PHKA1: variants seen among roughly 807,000 people sequenced by gnomAD.
PHKA1 encodes phosphorylase kinase regulatory subunit alpha 1, also known as phosphorylase b kinase regulatory subunit alpha, skeletal muscle isoform.
Under a neutral mutation model 110.2 loss-of-function variants are expected in PHKA1, and 60 were observed. The observed-to-expected ratio is 0.54, with a 90% CI of 0.44 to 0.68. The LOEUF is 0.68. PHKA1 is among the 30% of genes least tolerant of loss of function. PHKA1 has a pLI of 0.00. For missense variants in PHKA1, 801 were observed against 942.5 expected (o/e 0.85, Z 1.97); for synonymous variants, 316 against 333.6 (o/e 0.95, Z 0.58).
At chrX:72,665,372 A>G (rs1294759418) in intron 8 of PHKA1, among the ~76,000 whole-genome samples, 2 of 111,505 alleles carry the variant, frequency 1.8e-5, no homozygotes, top group Non-Finnish European at 3.8e-5. Context: ...AAGACAAATA[A>G]CGAGTAATGG....
Position 72,637,701 on chromosome X carries a change from C to A in PHKA1, c.1460-1315G>T, listed in dbSNP as rs2053245607. Among the ~76,000 whole-genome samples, 4 of 112,018 alleles carry A rather than the reference C, an allele frequency of 3.6e-5. No individual in the cohort carries two copies. The South Asian group carries it at 1.5e-3, about 42-fold the overall frequency. ...ACAAGAGTTTTCATGTCTCCACATC[C>A]TCATGTTGGCTATTCAGGGTCCCTT... is the stretch of plus-strand genomic sequence containing the variant. On this transcript the variant is annotated intron_variant, in intron 14 of 31. Coordinates refer to ENST00000373542, the MANE Select transcript of PHKA1 (RefSeq NM_002637.4).
intron 6 of PHKA1, 123 bp from the exon 7 acceptor site, chrX:72,667,596 A>G: frequency 5.6e-6 from 3 of 531,030 alleles, no homozygotes; most frequent in Non-Finnish European, 9.7e-6. Flanking sequence ...GACAGAATAT[A>G]TAATACAAAA....
intron 6 of PHKA1, among the ~76,000 whole-genome samples, chrX:72,670,862 AG>A: frequency 8.9e-6 from 1 of 112,107 alleles, no homozygotes; most frequent in Middle Eastern, 4.6e-3. Context: ...AGATGCAGAA[AG>A]GGCCTTTGAC....
At chrX:72,597,624 TG>T (rs781791409) in intron 28 of PHKA1, among the ~76,000 whole-genome samples, 1 of 112,244 alleles carries the variant, frequency 8.9e-6, no homozygotes, top group Admixed American at 9.4e-5. Context: ...TCAGGGTAAA[TG>T]GGGTATCCAT....
At chrX:72,659,211 A>G (rs1556303003) in intron 8 of PHKA1, among the ~76,000 whole-genome samples, 1 of 111,003 alleles carries the variant, frequency 9.0e-6, no homozygotes, top group Non-Finnish European at 1.9e-5. Context: ...TAGTTATTTT[A>G]TTGTTCAAAT....
intron 4 of PHKA1, among the ~76,000 whole-genome samples, chrX:72,692,049 G>A (rs2147820072): frequency 8.9e-6 from 1 of 111,765 alleles, no homozygotes; most frequent in South Asian, 3.7e-4. Flanking sequence ...TCCTTATTTG[G>A]TAAGTATTTA....
intron 11 of PHKA1, among the ~76,000 whole-genome samples, chrX:72,652,919 G>A (rs2053447500): frequency 9.0e-6 from 1 of 111,291 alleles, no homozygotes; most frequent in Admixed American, 9.5e-5. Flanking sequence ...CTCTCAGGTG[G>A]TGCTGCTGAT....
intron 2 of PHKA1, among the ~76,000 whole-genome samples, chrX:72,710,838 TTATTTTTTTTTTTA>T (rs2054364019): frequency 9.8e-6 from 1 of 102,503 alleles, no homozygotes; most frequent in Admixed American, 1.0e-4. Context: ...TTTTATTTTT[TTATTTTTTTTTTTA>T]TTTTTATTTT....
rs181480052 is a variant in PHKA1 at position 72,623,987 on chromosome X, A to T, written c.1794-712T>A. ...AATTTCAACCAATAAATGTACACAG[A>T]ATGATAGAAACACCATTTAATAACT... On this transcript the variant is annotated intron_variant, in intron 17 of 31. Transcript: ENST00000373542. Among the ~76,000 whole-genome samples, 362 of 112,072 alleles carry T rather than the reference A, an allele frequency of 3.2e-3. 1 individual carries two copies. Among genetic ancestry groups the T allele is most frequent in the African/African-American group, 0.011 (355 of 30,905 alleles).
intron 1 of PHKA1, among the ~76,000 whole-genome samples, chrX:72,713,271 C>T (rs1284770110): frequency 9.0e-6 from 1 of 110,814 alleles, no homozygotes; most frequent in Non-Finnish European, 1.9e-5. Flanking sequence ...GGTGAGAATA[C>T]TTAAGATCTA....
chrX:72,657,672 T>A (rs1330292951), intron 8 of PHKA1, 31 bp from the exon 9 acceptor site: 1 of 1,127,856 alleles, frequency 8.9e-7, no homozygotes, highest in Non-Finnish European at 1.2e-6. Context: ...GGTCAGCAGC[T>A]TGTACACTGG....
intron 29 of PHKA1, 87 bp downstream of exon 29, chrX:72,593,017 G>C (rs1229363081): frequency 1.0e-5 from 6 of 601,042 alleles, no homozygotes; most frequent in Admixed American, 2.2e-5. Context: ...TAATTGCAGT[G>C]ATTATATTAG....
At chrX:72,669,347 C>CTT (rs201527791) in intron 6 of PHKA1, among the ~76,000 whole-genome samples, 3 of 109,548 alleles carry the variant, frequency 2.7e-5, no homozygotes, top group Non-Finnish European at 5.7e-5. Context: ...AGCTGTTTTT[C>CTT]TTTTTTTTTG....
intron 10 of PHKA1, 43 bp from the exon 11 acceptor site, chrX:72,653,573 T>A (rs1556300000): frequency 3.3e-6 from 3 of 902,352 alleles, no homozygotes; most frequent in Non-Finnish European, 4.8e-6. Context: ...TTACAGAGAG[T>A]CCCTTTGGGG....
chrX:72,672,094 C>T (rs1556309464), intron 6 of PHKA1, among the ~76,000 whole-genome samples: 1 of 111,999 alleles, frequency 8.9e-6, no homozygotes, highest in African/African-American at 3.3e-5. Flanking sequence ...TGTGGGCCTG[C>T]AGAATTAACA....
chrX:72,709,545 A>C (rs2054335979), intron 2 of PHKA1: 1 of 110,051 alleles, frequency 9.1e-6, no homozygotes, highest in South Asian at 3.9e-4. Context: ...CAGTAATAGA[A>C]AGTTGCAGTA....
intron 13 of PHKA1, among the ~76,000 whole-genome samples, chrX:72,648,593 C>T (rs2053389845): frequency 9.0e-6 from 1 of 110,905 alleles, no homozygotes; most frequent in Non-Finnish European, 1.9e-5. Flanking sequence ...AGCTTTTTAG[C>T]AGGCCAGGTA....
chrX:72,641,475 T>C (rs1159082760), intron 14 of PHKA1, among the ~76,000 whole-genome samples: 1 of 111,969 alleles, frequency 8.9e-6, no homozygotes, highest in Non-Finnish European at 1.9e-5. Context: ...CAAGTGAATA[T>C]AGGCATGTTA....
intron 23 of PHKA1, among the ~76,000 whole-genome samples, chrX:72,606,354 GCACACA>G (rs61135772): frequency 6.7e-4 from 68 of 101,155 alleles, no homozygotes; most frequent in African/African-American, 2.4e-3. Flanking sequence ...TCACACACAT[GCACACA>G]CACACACACA....
Sources: gnomAD v4.1 joint callset for allele counts (sites outside exome capture counted in the v4.1 genomes callset) on GRCh38, gnomAD v4.1.1 for gene constraint, MANE v1.5 for transcripts, NCBI Gene and HGNC (gene_info 2026-07-23, HGNC 2026-07-21) for gene names.